The following SCGB2B2 variants were observed in gnomAD, a reference collection of about 807,000 sequenced individuals.
SCGB2B2 encodes secretoglobin family 2B member 2.
In SCGB2B2, 11 loss-of-function variants were observed where a neutral mutation model predicts 7.6. The observed-to-expected ratio is 1.45, with a 90% CI of 0.91 to 2.40. The LOEUF (loss-of-function observed/expected upper bound fraction) is 2.40. Ranked by LOEUF, SCGB2B2 falls within the 30% of genes most tolerant of loss-of-function variation. The pLI is 0.00. For missense variants in SCGB2B2, 104 were observed against 115.4 expected, an observed-to-expected ratio of 0.90 and a Z score of 0.45; for synonymous variants, 50 against 48.6, an observed-to-expected ratio of 1.03 and a Z score of -0.12.
chr19:34,611,423 C>T (rs1311782476), intron 1 of SCGB2B2, among the ~76,000 whole-genome samples: 1 of 128,028 alleles, frequency 7.8e-6, no homozygotes, highest in Non-Finnish European at 1.9e-5. Flanking sequence ...TACTTGAAAT[C>T]TTTCTGTTTT....
chr19:34,622,291 G>A (rs937449968), intron 1 of SCGB2B2, among the ~76,000 whole-genome samples: 3 of 152,124 alleles, frequency 2.0e-5, no homozygotes, highest in Non-Finnish European at 4.4e-5. Context: ...GAAGACTAAG[G>A]GCTGGTGCTT....
intron 1 of SCGB2B2, among the ~76,000 whole-genome samples, chr19:34,615,367 C>A (rs938317813): frequency 6.6e-6 from 1 of 151,840 alleles, no homozygotes; most frequent in Non-Finnish European, 1.5e-5. Flanking sequence ...TTTACCTTCT[C>A]ACTGAATTAG....
At chr19:34,599,668 G>A (rs1397644466) in intron 1 of SCGB2B2, among the ~76,000 whole-genome samples, 1 of 152,102 alleles carries the variant, frequency 6.6e-6, no homozygotes, top group Admixed American at 6.6e-5. Context: ...GATGAGATTT[G>A]GGTGGGGACA....
intron 1 of SCGB2B2, among the ~76,000 whole-genome samples, chr19:34,671,624 TCTC>T (rs1437683689): frequency 6.6e-6 from 1 of 152,202 alleles, no homozygotes; most frequent in Admixed American, 6.5e-5. Context: ...ATTGTGTATC[TCTC>T]CTTTTATTTA....
At position 34,621,859 on chromosome 19, in the gene SCGB2B2, G is replaced by A. The variant is rs184816090; in HGVS notation, c.-2031-25265C>T. 2.2e-3 allele frequency among the ~76,000 whole-genome samples: 341 copies of A among 152,226 alleles called. 1 individual carries two copies. The highest frequency in any genetic ancestry group is 7.6e-3 in the African/African-American group (316 of 41,548). On this transcript the variant is annotated intron_variant, in intron 1 of 3. Coordinates refer to ENST00000601241, the MANE Select transcript of SCGB2B2 (RefSeq NM_001025591.4). ...TTTGAGGTCCTCCTTGGCTGCATAGGTTTGCATGACTGTTCAAAGCCATAT... is the reference window on the plus strand; with the variant it reads ...TTTGAGGTCCTCCTTGGCTGCATAGATTTGCATGACTGTTCAAAGCCATAT...
intron 1 of SCGB2B2, among the ~76,000 whole-genome samples, chr19:34,661,404 T>C: frequency 6.6e-6 from 1 of 152,172 alleles, no homozygotes; most frequent in Non-Finnish European, 1.5e-5. Flanking sequence ...GAATATTCAA[T>C]ATTATCAAAA....
intron 1 of SCGB2B2, among the ~76,000 whole-genome samples, chr19:34,603,195 T>G (rs981675341): frequency 6.6e-6 from 1 of 152,188 alleles, no homozygotes; most frequent in African/African-American, 2.4e-5. Context: ...AGAAAAAGCA[T>G]GTTCAGCATT....
At chr19:34,659,820 T>G (rs2067400431) in intron 1 of SCGB2B2, among the ~76,000 whole-genome samples, 2 of 152,138 alleles carry the variant, frequency 1.3e-5, no homozygotes, top group Admixed American at 6.6e-5. Flanking sequence ...AAAAAGAGCC[T>G]GCATAGCCAG....
At chr19:34,644,249 G>A (rs1374746601) in intron 1 of SCGB2B2, among the ~76,000 whole-genome samples, 2 of 151,962 alleles carry the variant, frequency 1.3e-5, no homozygotes, top group Non-Finnish European at 2.9e-5. Flanking sequence ...GCCCAAGATG[G>A]TCTCAAACTT....
At chr19:34,611,591 C>T (rs1184666099) in intron 1 of SCGB2B2, among the ~76,000 whole-genome samples, 1 of 151,856 alleles carries the variant, frequency 6.6e-6, no homozygotes, top group African/African-American at 2.4e-5. Flanking sequence ...CTGCTGCATC[C>T]CCCAGGCTTT....
chr19:34,623,037 A>G (rs997981740), intron 1 of SCGB2B2, among the ~76,000 whole-genome samples: 1 of 151,718 alleles, frequency 6.6e-6, no homozygotes, highest in East Asian at 1.9e-4. Flanking sequence ...CCACTCACCA[A>G]TGCTATTATT....
chr19:34,612,280 G>A (rs1383963255), intron 1 of SCGB2B2, among the ~76,000 whole-genome samples: 3 of 146,444 alleles, frequency 2.0e-5, no homozygotes, highest in Non-Finnish European at 4.5e-5. Context: ...ATCGTGATCC[G>A]CCCACCTTGG....
Position 34,590,901 on chromosome 19 carries a change from A to G in SCGB2B2, c.*2654T>C, listed in dbSNP as rs1325683393. Among the ~76,000 whole-genome samples, 1 of 152,238 alleles carries G rather than the reference A, an allele frequency of 6.6e-6. No individual in the cohort carries two copies. Among genetic ancestry groups the G allele is most frequent in the Admixed American group, 6.5e-5 (1 of 15,288 alleles). ...TGCTTTTGCATCTCAAAGTATTTATATCAATAACATGTTTGTCCAAATTTC... is the reference window on the plus strand; with the variant it reads ...TGCTTTTGCATCTCAAAGTATTTATGTCAATAACATGTTTGTCCAAATTTC... On this transcript the variant is annotated 3_prime_UTR_variant, in exon 4 of 4. Coordinates refer to ENST00000601241, the MANE Select transcript of SCGB2B2 (RefSeq NM_001025591.4).
At chr19:34,637,227 T>C (rs138917221) in intron 1 of SCGB2B2, among the ~76,000 whole-genome samples, 2 of 152,194 alleles carry the variant, frequency 1.3e-5, no homozygotes, top group East Asian at 3.9e-4. Context: ...TGGGATCTAT[T>C]GGGTTCACTG....
intron 1 of SCGB2B2, among the ~76,000 whole-genome samples, chr19:34,617,550 T>C (rs1032956463): frequency 1.3e-5 from 2 of 151,906 alleles, no homozygotes; most frequent in Non-Finnish European, 2.9e-5. Context: ...CCTGAGACTT[T>C]GCTGAAGTTG....
chr19:34,598,995 CG>C (rs1340669986), intron 1 of SCGB2B2, among the ~76,000 whole-genome samples: 5 of 152,258 alleles, frequency 3.3e-5, no homozygotes, highest in Non-Finnish European at 7.3e-5. Flanking sequence ...ATTGGCCCTG[CG>C]GCCAGGCTGG....
At chr19:34,624,569 A>C (rs1395848259) in intron 1 of SCGB2B2, among the ~76,000 whole-genome samples, 1 of 152,190 alleles carries the variant, frequency 6.6e-6, no homozygotes, top group Admixed American at 6.5e-5. Context: ...AAGGGATAGG[A>C]GACATGAGAG....
rs2067926361 is a variant in SCGB2B2, at chr19:34,676,013, GGGAAGTAGAC to G, written c.-2425_-2416del. ...GCAAAAGAACAAACATCCCACACCT[GGGAAGTAGAC>G]CCCAGCGCGGTTGCCGCTGGTTGTT... On this transcript the variant is annotated 5_prime_UTR_variant, in exon 1 of 4. It removes the in-frame stop codon of an upstream open reading frame in the 5' UTR. Coordinates refer to ENST00000601241, the MANE Select transcript of SCGB2B2 (RefSeq NM_001025591.4). 1 of 152,202 alleles carries G rather than the reference GGGAAGTAGAC, an allele frequency of 6.6e-6. No individual in the cohort carries two copies. The highest frequency in any genetic ancestry group is 6.5e-5 in the Admixed American group (1 of 15,282). The allele number at this position is 152,202 out of a possible 1,614,324, so 9.4% of individuals were successfully genotyped here.
chr19:34,656,575 C>T (rs997785614), intron 1 of SCGB2B2, among the ~76,000 whole-genome samples: 4 of 151,136 alleles, frequency 2.6e-5, no homozygotes, highest in Non-Finnish European at 5.9e-5. Context: ...TGCACTTCAG[C>T]CCAGGTAACA....
Sources: gnomAD v4.1 joint callset for allele counts (sites outside exome capture counted in the v4.1 genomes callset) on GRCh38, gnomAD v4.1.1 for gene constraint, MANE v1.5 for transcripts, NCBI Gene and HGNC (gene_info 2026-07-23, HGNC 2026-07-21) for gene names.